Variants in RPTOR observed in about 807,000 individuals in gnomAD.
The protein encoded by RPTOR is regulatory-associated protein of mTOR.
In RPTOR, 21 loss-of-function variants were observed where a neutral mutation model predicts 169.9. That is an observed-to-expected ratio of 0.12 (90% CI 0.09 to 0.18). The LOEUF is 0.18. Among genes scored for constraint, RPTOR ranks in the 10% least tolerant of loss-of-function variants. The pLI is 1.00. For synonymous variants in RPTOR, 732 were observed against 753.2 expected, an observed-to-expected ratio of 0.97 and a Z score of 0.46; for missense variants, 1,133 against 1,855.9, an observed-to-expected ratio of 0.61 and a Z score of 7.16.
chr17:80,665,351 T>C lies in RPTOR; in HGVS notation c.348+21541T>C, dbSNP rs529269515. On this transcript the variant is annotated intron_variant, in intron 3 of 33. Coordinates refer to ENST00000306801, the MANE Select transcript of RPTOR (RefSeq NM_020761.3). ...CTTTTCCCTTTCCTTTCCTTTCCTTTCCTTTCCTTTCCTTTCCTTTCCTTT... is the reference window on the plus strand; with the variant it reads ...CTTTTCCCTTTCCTTTCCTTTCCTTCCCTTTCCTTTCCTTTCCTTTCCTTT... Among the ~76,000 whole-genome samples the C allele has an allele frequency of 2.1e-3, 11 of 5,218 alleles. 1 individual carries two copies. In the African/African-American group the frequency reaches 0.026, roughly 12 times the overall value. 3.4% of individuals were successfully genotyped at this position (5,218 alleles called of 152,430 possible).
intron 1 of RPTOR, among the ~76,000 whole-genome samples, chr17:80,564,345 A>C (rs1293691220): frequency 6.6e-6 from 1 of 152,002 alleles, no homozygotes; most frequent in Non-Finnish European, 1.5e-5. Context: ...CACAGCTCGC[A>C]TGTCTTTTTG....
At chr17:80,725,342 C>T (rs1370769976) in intron 4 of RPTOR, among the ~76,000 whole-genome samples, 1 of 152,184 alleles carries the variant, frequency 6.6e-6, no homozygotes, top group African/African-American at 2.4e-5. Flanking sequence ...TATCTAAAAC[C>T]CATTTCTATT....
intron 24 of RPTOR, among the ~76,000 whole-genome samples, chr17:80,938,319 C>T (rs1256735609): frequency 6.6e-6 from 1 of 152,184 alleles, no homozygotes; most frequent in Non-Finnish European, 1.5e-5. Flanking sequence ...CCATAGAGTG[C>T]CGGGCCAAGG....
chr17:80,709,205 T>A, intron 4 of RPTOR: 1 of 496,798 alleles, frequency 2.0e-6, no homozygotes, highest in Non-Finnish European at 2.6e-6. Context: ...TTCCTTTCGT[T>A]AAATATTGAG....
At chr17:80,573,066 G>A (rs958498826) in intron 1 of RPTOR, among the ~76,000 whole-genome samples, 2 of 152,086 alleles carry the variant, frequency 1.3e-5, no homozygotes, top group African/African-American at 2.4e-5. Context: ...TTCTTCCTCA[G>A]TTGCAGTGCT....
At chr17:80,683,932 C>T (rs1567855587) in intron 3 of RPTOR, among the ~76,000 whole-genome samples, 2 of 152,202 alleles carry the variant, frequency 1.3e-5, no homozygotes, top group Non-Finnish European at 1.5e-5. Context: ...GCCAAGATGT[C>T]GGCTCCTGGC....
At chr17:80,716,185 C>T (rs1437730171) in intron 4 of RPTOR, among the ~76,000 whole-genome samples, 6 of 152,200 alleles carry the variant, frequency 3.9e-5, no homozygotes, top group South Asian at 2.1e-4. Context: ...TTCCCACCAG[C>T]GGTGTAGAAG....
chr17:80,790,582 C>A (rs772751900), intron 6 of RPTOR, among the ~76,000 whole-genome samples: 1 of 152,168 alleles, frequency 6.6e-6, no homozygotes, highest in Non-Finnish European at 1.5e-5. Flanking sequence ...ACGTCTCCCC[C>A]GAACGTGCCT....
At position 80,746,425 on chromosome 17, in the gene RPTOR, G is replaced by A. The variant is rs1422917528; in HGVS notation, c.655-7585G>A. On this transcript the variant is annotated intron_variant, in intron 5 of 33. Coordinates refer to ENST00000306801, the MANE Select transcript of RPTOR (RefSeq NM_020761.3). This position sits in a 1 kb window ranked among gnomAD's most constrained non-coding sequence, Gnocchi z 4.5. ...GCTGCCCGCTTACCTCATGAACTGC[G>A]CGTGCACTGACTCCACATTACCCAC... Among the ~76,000 whole-genome samples the A allele has an allele frequency of 1.3e-5, 2 of 152,236 alleles. No individual in the cohort carries two copies. The highest frequency in any genetic ancestry group is 6.5e-5 in the Admixed American group (1 of 15,290).
At chr17:80,851,752 C>G (rs555003234) in intron 11 of RPTOR, among the ~76,000 whole-genome samples, 3 of 152,240 alleles carry the variant, frequency 2.0e-5, no homozygotes, top group Non-Finnish European at 4.4e-5. Context: ...TTGTAAGGAG[C>G]ACATTCTAAG....
intron 1 of RPTOR, among the ~76,000 whole-genome samples, chr17:80,563,518 C>T (rs7211373): frequency 0.89 from 126,666 of 143,102 alleles, 57,120 homozygotes; most frequent in East Asian, 1. Context: ...TGAGCCGAGA[C>T]TGCGCCACTG....
intron 1 of RPTOR, among the ~76,000 whole-genome samples, chr17:80,610,137 G>A (rs993135840): frequency 8.6e-5 from 13 of 151,934 alleles, no homozygotes; most frequent in East Asian, 1.9e-4. Flanking sequence ...CTATCTCTGC[G>A]TCCTCCTTTA....
chr17:80,695,991 GTC>G lies in RPTOR; in HGVS notation c.349-11846_349-11845del, dbSNP rs2066033267. Among the ~76,000 whole-genome samples, 1 of 152,232 alleles carries G rather than the reference GTC, an allele frequency of 6.6e-6. No individual in the cohort carries two copies. The highest frequency in any genetic ancestry group is 6.5e-5 in the Admixed American group (1 of 15,292). On this transcript the variant is annotated intron_variant, in intron 3 of 33. Coordinates refer to ENST00000306801, the MANE Select transcript of RPTOR (RefSeq NM_020761.3). The surrounding 1 kb of genome is among the most constrained non-coding windows in gnomAD (Gnocchi z 4.9). Reference sequence around the variant, plus strand: ...TACATCTTAGATGGAAATTGGCCGTGTCTCTGCTGTTTCTGAGTGTGCGACTC... The same window carrying G: ...TACATCTTAGATGGAAATTGGCCGTGTCTGCTGTTTCTGAGTGTGCGACTC...
At chr17:80,773,012 G>C (rs1032809836) in intron 6 of RPTOR, among the ~76,000 whole-genome samples, 1 of 152,192 alleles carries the variant, frequency 6.6e-6, no homozygotes, top group African/African-American at 2.4e-5. Context: ...GTGGCTTCAT[G>C]CATGCAGGGC....
At chr17:80,675,877 G>A (rs966861281) in intron 3 of RPTOR, among the ~76,000 whole-genome samples, 1 of 152,166 alleles carries the variant, frequency 6.6e-6, no homozygotes, top group African/African-American at 2.4e-5. Flanking sequence ...TTGTGCTTGT[G>A]GTCTTTTTAT....
intron 6 of RPTOR, among the ~76,000 whole-genome samples, chr17:80,760,912 T>C (rs1173858353): frequency 6.6e-6 from 1 of 152,252 alleles, no homozygotes; most frequent in East Asian, 1.9e-4. Context: ...GGACAAAATG[T>C]GTACATGTGT....
At chr17:80,889,875 G>A (rs562115409) in intron 17 of RPTOR, among the ~76,000 whole-genome samples, 19 of 122,706 alleles carry the variant, frequency 1.5e-4, no homozygotes, top group Admixed American at 1.3e-3. Flanking sequence ...CAGGATGTGC[G>A]GCCTCCGAGG....
chr17:80,655,527 T>A (rs2143633892), intron 3 of RPTOR, among the ~76,000 whole-genome samples: 1 of 152,176 alleles, frequency 6.6e-6, no homozygotes, highest in East Asian at 1.9e-4. Flanking sequence ...CATATCCTTT[T>A]GAGTAGCTGG....
At chr17:80,918,368 C>T (rs1014280870) in intron 21 of RPTOR, among the ~76,000 whole-genome samples, 8 of 152,160 alleles carry the variant, frequency 5.3e-5, no homozygotes, top group African/African-American at 1.9e-4. Flanking sequence ...CTCAGTGAGA[C>T]AGTACTGTGC....
Sources: allele counts gnomAD v4.1 joint callset (sites outside exome capture counted in the v4.1 genomes callset), GRCh38; gene constraint gnomAD v4.1.1; non-coding constraint Gnocchi (gnomAD v3.1); transcripts MANE v1.5; gene names NCBI Gene and HGNC (gene_info 2026-07-23, HGNC 2026-07-21).